MGAT4C: variants seen among roughly 807,000 people sequenced by gnomAD.
MGAT4C encodes MGAT4 family member C.
Under a neutral mutation model 40.1 loss-of-function variants are expected in MGAT4C, and 19 were observed. The observed-to-expected ratio is 0.47, with a 90% confidence interval of 0.33 to 0.70. MGAT4C has a LOEUF of 0.70. MGAT4C is among the 30% of genes least tolerant of loss of function. MGAT4C has a pLI of 0.02. For synonymous variants in MGAT4C, 181 were observed against 187.1 expected, an observed-to-expected ratio of 0.97 and a Z score of 0.27; for missense variants, 491 against 563.2, an observed-to-expected ratio of 0.87 and a Z score of 1.30.
intron 1 of MGAT4C, among the ~76,000 whole-genome samples, chr12:86,107,552 T>C (rs577232424): frequency 1.3e-5 from 2 of 152,312 alleles, no homozygotes; most frequent in East Asian, 3.9e-4. Context: ...AAACAAAAGA[T>C]GTCAATATAA....
intron 2 of MGAT4C, among the ~76,000 whole-genome samples, chr12:86,685,153 G>A (rs905153779): frequency 6.6e-6 from 1 of 152,080 alleles, no homozygotes; most frequent in South Asian, 2.1e-4. Context: ...TTCTTCTGTG[G>A]TTTTTATGGT....
chr12:86,522,671 G>A (rs1592948784), intron 2 of MGAT4C, among the ~76,000 whole-genome samples: 2 of 152,048 alleles, frequency 1.3e-5, no homozygotes, highest in Admixed American at 6.6e-5. Flanking sequence ...CAGCAGGAAC[G>A]GTACCAGCTC....
intron 2 of MGAT4C, among the ~76,000 whole-genome samples, chr12:86,046,180 G>C (rs1327555806): frequency 1.3e-5 from 2 of 152,108 alleles, no homozygotes; most frequent in Non-Finnish European, 2.9e-5. Flanking sequence ...GTCTTGTATG[G>C]TTCATGTTGT....
chr12:86,514,483 T>C (rs1479221592), intron 2 of MGAT4C, among the ~76,000 whole-genome samples: 1 of 152,202 alleles, frequency 6.6e-6, no homozygotes, highest in Non-Finnish European at 1.5e-5. Context: ...TGGGATAATC[T>C]GCATGTTTTC....
At chr12:86,490,161 G>C (rs1397759958) in intron 2 of MGAT4C, among the ~76,000 whole-genome samples, 4 of 152,012 alleles carry the variant, frequency 2.6e-5, no homozygotes, top group Admixed American at 2.6e-4. Context: ...AAATGTTAAG[G>C]GCAGCCAGAG....
intron 1 of MGAT4C, among the ~76,000 whole-genome samples, chr12:86,784,220 GC>G (rs1169375598): frequency 6.6e-6 from 1 of 152,060 alleles, no homozygotes; most frequent in East Asian, 1.9e-4. Flanking sequence ...AGACTGACAA[GC>G]CTGTCTTTAG....
chr12:86,662,869 C>T (rs1964014157), intron 2 of MGAT4C, among the ~76,000 whole-genome samples: 1 of 152,128 alleles, frequency 6.6e-6, no homozygotes, highest in East Asian at 1.9e-4. Context: ...AAAAAATGAA[C>T]ACTATTACTC....
chr12:86,470,629 A>C (rs1957744974), intron 2 of MGAT4C, among the ~76,000 whole-genome samples: 1 of 152,128 alleles, frequency 6.6e-6, no homozygotes, highest in Non-Finnish European at 1.5e-5. Context: ...TTGGTGTCCT[A>C]AGTAGAAACT....
intron 1 of MGAT4C, among the ~76,000 whole-genome samples, chr12:86,796,419 T>G (rs1952120390): frequency 6.6e-6 from 1 of 151,982 alleles, no homozygotes; most frequent in Non-Finnish European, 1.5e-5. Context: ...TTTGACAACA[T>G]GGATGAACCT....
chr12:86,296,462 C>T (rs1294251969), intron 4 of MGAT4C, among the ~76,000 whole-genome samples: 1 of 152,212 alleles, frequency 6.6e-6, no homozygotes, highest in East Asian at 1.9e-4. Context: ...GGGCGGCATT[C>T]GTCAGGGAGG....
At chr12:86,531,624 C>T (rs1219863665) in intron 2 of MGAT4C, among the ~76,000 whole-genome samples, 4 of 151,940 alleles carry the variant, frequency 2.6e-5, no homozygotes, top group Non-Finnish European at 4.4e-5. Context: ...GACTTTACAT[C>T]CATTCAGTTA....
At chr12:86,263,738 A>C (rs1005004349) in intron 4 of MGAT4C, among the ~76,000 whole-genome samples, 1 of 152,090 alleles carries the variant, frequency 6.6e-6, no homozygotes, top group African/African-American at 2.4e-5. Flanking sequence ...TTAGTTCTTC[A>C]AGAAATCTCC....
chr12:86,752,245 T>G (rs2136142510), intron 1 of MGAT4C, among the ~76,000 whole-genome samples: 1 of 152,210 alleles, frequency 6.6e-6, no homozygotes, highest in South Asian at 2.1e-4. Flanking sequence ...CTGTGTCTAG[T>G]GTTCAATCAT....
Position 86,210,185 on chromosome 12 carries a change from T to C in MGAT4C, c.-57+46054A>G, listed in dbSNP as rs528298559. ...CAGATAAATACGCTTAAGATACATATAGTAGTTTTTTTCAACGGATATTCC... is the reference window on the plus strand; with the variant it reads ...CAGATAAATACGCTTAAGATACATACAGTAGTTTTTTTCAACGGATATTCC... On this transcript the variant is annotated intron_variant, in intron 1 of 4. Transcript: ENST00000611864. Among the ~76,000 whole-genome samples, 23 of 152,298 alleles carry C rather than the reference T, an allele frequency of 1.5e-4. 1 individual carries two copies. In the East Asian group the frequency reaches 3.7e-3, roughly 24 times the overall value.
At chr12:86,459,127 A>G (rs1324370395) in intron 2 of MGAT4C, among the ~76,000 whole-genome samples, 1 of 152,146 alleles carries the variant, frequency 6.6e-6, no homozygotes, top group Non-Finnish European at 1.5e-5. Context: ...CATATACAAA[A>G]TATAAGTTTT....
intron 2 of MGAT4C, among the ~76,000 whole-genome samples, chr12:86,570,454 A>G (rs1194342734): frequency 6.6e-6 from 1 of 152,152 alleles, no homozygotes; most frequent in African/African-American, 2.4e-5. Context: ...AAGAATGAAC[A>G]TGGACCCCGA....
At chr12:85,986,160 C>T (rs1414523051) in intron 3 of MGAT4C, among the ~76,000 whole-genome samples, 1 of 152,180 alleles carries the variant, frequency 6.6e-6, no homozygotes, top group Non-Finnish European at 1.5e-5. Flanking sequence ...AATAATGCAA[C>T]TTTCACCTGA....
At chr12:86,268,682 T>C (rs998900744) in intron 4 of MGAT4C, among the ~76,000 whole-genome samples, 1 of 131,966 alleles carries the variant, frequency 7.6e-6, no homozygotes, top group South Asian at 2.5e-4. Flanking sequence ...TATATATACA[T>C]ATATACATAT....
At chr12:86,061,479 T>G (rs866134201) in intron 1 of MGAT4C, among the ~76,000 whole-genome samples, 2 of 151,918 alleles carry the variant, frequency 1.3e-5, no homozygotes, top group African/African-American at 4.8e-5. Flanking sequence ...TTTTTGTTTT[T>G]TTTTTTCCAT....
Sources: gnomAD v4.1 joint callset for allele counts (sites outside exome capture counted in the v4.1 genomes callset) on GRCh38, gnomAD v4.1.1 for gene constraint, MANE v1.5 for transcripts, NCBI Gene and HGNC (gene_info 2026-07-23, HGNC 2026-07-21) for gene names.